The following OVCH1 variants were observed in gnomAD, a reference collection of about 807,000 sequenced individuals.
OVCH1 encodes ovochymase 1.
OVCH1 carries 139 observed loss-of-function variants against 138.4 expected under a neutral mutation model. The ratio of observed to expected loss-of-function variants is 1.00; its 90% CI spans 0.87 to 1.16. OVCH1 has a LOEUF of 1.16. OVCH1 is among the 50% of genes most tolerant of loss of function. The pLI is 0.00. For synonymous variants in OVCH1, 453 were observed against 467.8 expected (o/e 0.97, Z 0.41); for missense variants, 1,367 against 1,357.9 (o/e 1.01, Z -0.11).
chr12:29,429,205 C>T (rs1313579414), intron 27 of OVCH1, among the ~76,000 whole-genome samples: 1 of 152,092 alleles, frequency 6.6e-6, no homozygotes, highest in African/African-American at 2.4e-5. Flanking sequence ...AAAAAGTTAC[C>T]ATCTAAAAAT....
intron 22 of OVCH1, among the ~76,000 whole-genome samples, chr12:29,449,265 T>TTCC (rs1941706191): frequency 7.5e-6 from 1 of 133,538 alleles, no homozygotes; most frequent in African/African-American, 2.8e-5. Flanking sequence ...CTTGCCTTTT[T>TTCC]CCCCCCTCCC....
At chr12:29,475,104 A>G (rs373368120) in exon 14 of OVCH1, 6 of 1,579,444 alleles carry the variant, frequency 3.8e-6, no homozygotes, top group Non-Finnish European at 4.3e-6. Context: ...CTTGTAAACG[A>G]TTTTTACCAT....
intron 19 of OVCH1, among the ~76,000 whole-genome samples, chr12:29,457,906 C>CA (rs1942007646): frequency 6.6e-6 from 1 of 152,036 alleles, no homozygotes; most frequent in Non-Finnish European, 1.5e-5. Flanking sequence ...TGAGCTGATG[C>CA]ATAAAGGATG....
At chr12:29,446,916 A>G (rs949940554) in intron 22 of OVCH1, among the ~76,000 whole-genome samples, 2 of 152,116 alleles carry the variant, frequency 1.3e-5, no homozygotes, top group Non-Finnish European at 2.9e-5. Flanking sequence ...ACATGTACGG[A>G]TACATTTAAA....
chr12:29,433,748 T>TA (rs1464221695), intron 27 of OVCH1: 10 of 1,426,870 alleles, frequency 7.0e-6, no homozygotes, highest in Non-Finnish European at 9.4e-6. Flanking sequence ...ATGATATACT[T>TA]ACATAACTTA....
chr12:29,422,294 G>C (rs1941115799), intron 3 of OVCH1, among the ~76,000 whole-genome samples: 1 of 152,200 alleles, frequency 6.6e-6, no homozygotes, highest in Admixed American at 6.5e-5. Flanking sequence ...AATGGAGACA[G>C]AAAGGTCAAT....
rs534399915 is a variant in OVCH1, at chr12:29,444,413, G to C, written c.2882-133C>G. On this transcript the variant is annotated intron_variant, in intron 23 of 27. Coordinates refer to ENST00000318184, the Ensembl canonical transcript of OVCH1. ...GAAAACAAGTAATTATTAGGAGGTG[G>C]TTGGTTTCACTGAAAATTTTCTCCG... The C allele has an allele frequency of 4.2e-4, 429 of 1,016,216 alleles. 9 individuals carry two copies. The South Asian group carries it at 7.0e-3, about 17-fold the overall frequency. The allele number at this position is 1,016,216 out of a possible 1,614,324, so 62.9% of individuals were successfully genotyped here. A position where few individuals can be genotyped will look rare whatever the true frequency, so the allele number is the denominator to read the frequency against.
intron 25 of OVCH1, among the ~76,000 whole-genome samples, chr12:29,442,476 GT>G (rs1490802940): frequency 1.9e-5 from 2 of 105,586 alleles, no homozygotes; most frequent in Non-Finnish European, 3.5e-5. Flanking sequence ...CTGTTGTGGG[GT>G]GGGGGGAGGG....
intron 27 of OVCH1, among the ~76,000 whole-genome samples, chr12:29,428,693 G>A (rs923724304): frequency 3.3e-5 from 5 of 152,166 alleles, no homozygotes; most frequent in African/African-American, 1.2e-4. Context: ...ACTTAATGGT[G>A]TTATAAATCT....
At chr12:29,456,079 C>T (rs1381007190) in intron 19 of OVCH1, among the ~76,000 whole-genome samples, 1 of 152,112 alleles carries the variant, frequency 6.6e-6, no homozygotes, top group Non-Finnish European at 1.5e-5. Flanking sequence ...CCTGCAGATA[C>T]CAAAGTTGCA....
At chr12:29,430,127 G>A (rs988156896) in intron 27 of OVCH1, among the ~76,000 whole-genome samples, 1 of 152,208 alleles carries the variant, frequency 6.6e-6, no homozygotes, top group Non-Finnish European at 1.5e-5. Context: ...GTCTAGAGGT[G>A]TGTGAATTGA....
chr12:29,464,138 A>AT (rs1942233908), intron 18 of OVCH1, among the ~76,000 whole-genome samples: 1 of 152,192 alleles, frequency 6.6e-6, no homozygotes, highest in Admixed American at 6.5e-5. Context: ...AATTTTATAA[A>AT]TTAAGTTCTG....
At chr12:29,414,743 A>T (rs11050226) in intron 3 of OVCH1, among the ~76,000 whole-genome samples, 100,336 of 151,298 alleles carry the variant, frequency 0.66, 34,665 homozygotes, top group Middle Eastern at 0.86. Flanking sequence ...CTGGAAAAAA[A>T]AAATATATAT....
chr12:29,496,773 A>G, intron 1 of OVCH1, 99 bp from the exon 2 acceptor site: 2 of 812,854 alleles, frequency 2.5e-6, no homozygotes. Flanking sequence ...TGGCACAGAC[A>G]TTCTGATAGC....
chr12:29,486,894 A>G (rs912425656), intron 7 of OVCH1: 2 of 455,830 alleles, frequency 4.4e-6, no homozygotes, highest in East Asian at 1.4e-4. Flanking sequence ...AGGTGATCAA[A>G]ATGGAACACA....
intron 26 of OVCH1, among the ~76,000 whole-genome samples, chr12:29,435,729 C>G (rs1050926641): frequency 3.3e-5 from 5 of 152,016 alleles, no homozygotes; most frequent in Admixed American, 1.3e-4. Flanking sequence ...TCTAAAGCAC[C>G]CCTCAGAAGA....
At chr12:29,488,640 A>AAAAG (rs1565612196) in intron 6 of OVCH1, among the ~76,000 whole-genome samples, 19 of 150,638 alleles carry the variant, frequency 1.3e-4, no homozygotes, top group African/African-American at 4.7e-4. Context: ...AAAAAAAAAA[A>AAAAG]AAAGAAAGGA....
chr12:29,404,869 A>G, the OVCH1 span, among the ~76,000 whole-genome samples: 1 of 151,898 alleles, frequency 6.6e-6, no homozygotes, highest in African/African-American at 2.4e-5. Context: ...AAAAATGCAA[A>G]AAATTAGCTG....
At chr12:29,457,035 T>C (rs565897248) in intron 19 of OVCH1, among the ~76,000 whole-genome samples, 19 of 152,316 alleles carry the variant, frequency 1.2e-4, no homozygotes, top group African/African-American at 4.6e-4. Flanking sequence ...ATTTGAAATA[T>C]CTACTTTATA....
Sources: allele counts gnomAD v4.1 joint callset (sites outside exome capture counted in the v4.1 genomes callset), GRCh38; gene constraint gnomAD v4.1.1; transcripts MANE v1.5; gene names NCBI Gene and HGNC (gene_info 2026-07-23, HGNC 2026-07-21).